The following HSPA14 variants were observed in gnomAD, a reference collection of about 807,000 sequenced individuals.
The protein encoded by HSPA14 is heat shock protein family A (Hsp70) member 14.
A neutral mutation model predicts 65.5 loss-of-function variants in HSPA14; 37 were observed. The observed-to-expected ratio is 0.56, with a 90% CI of 0.43 to 0.74. The LOEUF (loss-of-function observed/expected upper bound fraction) is 0.74. HSPA14 is among the 30% of genes least tolerant of loss of function. The probability of loss-of-function intolerance (pLI) is 0.00; values close to 1 mark genes in which losing one functional copy is unlikely to be tolerated. For synonymous variants in HSPA14, 203 were observed against 214.2 expected, an observed-to-expected ratio of 0.95 and a Z score of 0.46; for missense variants, 564 against 607.6, an observed-to-expected ratio of 0.93 and a Z score of 0.75.
intron 9 of HSPA14, among the ~76,000 whole-genome samples, chr10:14,855,093 C>T (rs56154977): frequency 0.11 from 16,194 of 151,992 alleles, 1,371 homozygotes; most frequent in African/African-American, 0.23. Flanking sequence ...TCCAAGTCCT[C>T]GGTATATATT....
chr10:14,866,719 T>G (rs757614940), intron 10 of HSPA14, among the ~76,000 whole-genome samples: 1 of 149,922 alleles, frequency 6.7e-6, no homozygotes, highest in Admixed American at 6.7e-5. Flanking sequence ...TTCAAACTTT[T>G]AAAAAAAAAA....
In HSPA14 at chr10:14,867,094, T is replaced by C. The variant is rs1162252194; in HGVS notation, c.1005T>C (p.Cys335=). ...TADDINKVVL[C]GGSSRIPKLQ... ...TTTTTATTCTCTAGGTTGTCCTTTG[T>C]GGAGGGTCTTCTCGAATCCCAAAGC... The change falls in exon 11 of 14, where the codon TGT becomes TGC. Residue 335 remains cysteine, a synonymous_variant. Transcript: ENST00000378372. 6 of 1,612,302 alleles carry C rather than the reference T, an allele frequency of 3.7e-6. No homozygotes were observed. Among genetic ancestry groups the C allele is most frequent in the East Asian group, 2.2e-5 (1 of 44,820 alleles).
chr10:14,865,426 G>A (rs367879009), intron 10 of HSPA14, among the ~76,000 whole-genome samples: 8,645 of 151,920 alleles, frequency 0.057, 280 homozygotes, highest in Middle Eastern at 0.11. Context: ...GTATTGCCTA[G>A]GTTTTCTTCT....
At chr10:14,864,903 T>A (rs1158739905) in intron 10 of HSPA14, among the ~76,000 whole-genome samples, 2 of 152,156 alleles carry the variant, frequency 1.3e-5, no homozygotes, top group African/African-American at 4.8e-5. Context: ...CGCCACACTG[T>A]CTTCCACAAT....
intron 10 of HSPA14, among the ~76,000 whole-genome samples, chr10:14,865,079 T>A (rs1832793487): frequency 6.6e-6 from 1 of 152,232 alleles, no homozygotes. Flanking sequence ...CCAGTGATGA[T>A]GAGCATTTTT....
chr10:14,859,090 T>C (rs1832731232), intron 10 of HSPA14, among the ~76,000 whole-genome samples: 1 of 152,198 alleles, frequency 6.6e-6, no homozygotes, highest in Admixed American at 6.5e-5. Context: ...CTCTTGAATG[T>C]GCAGACTTTT....
At chr10:14,862,804 C>T (rs1216566448) in intron 10 of HSPA14, among the ~76,000 whole-genome samples, 1 of 152,142 alleles carries the variant, frequency 6.6e-6, no homozygotes, top group Admixed American at 6.5e-5. Flanking sequence ...CTCAGCCTCC[C>T]AAGTAGCTGG....
intron 8 of HSPA14, 50 bp downstream of exon 8, chr10:14,852,581 C>T: frequency 3.6e-6 from 5 of 1,389,238 alleles, no homozygotes; most frequent in Non-Finnish European, 4.8e-6. Context: ...TTTTCCTTCA[C>T]ATATTTTAAT....
intron 3 of HSPA14, among the ~76,000 whole-genome samples, chr10:14,847,947 C>T (rs1174042275): frequency 2.6e-5 from 4 of 152,124 alleles, no homozygotes; most frequent in Non-Finnish European, 4.4e-5. Context: ...CTGACTCTGC[C>T]CCTTGTTAGC....
intron 3 of HSPA14, chr10:14,843,937 C>A: frequency 1.3e-6 from 2 of 1,530,356 alleles, no homozygotes; most frequent in South Asian, 2.4e-5. Context: ...TGGTAGAAGT[C>A]TAGTTCCCAA....
At chr10:14,850,055 C>T (rs1379702805) in intron 6 of HSPA14, among the ~76,000 whole-genome samples, 2 of 152,082 alleles carry the variant, frequency 1.3e-5, no homozygotes, top group East Asian at 1.9e-4. Flanking sequence ...GGGTGGACCA[C>T]CTGAGGTCAG....
At chr10:14,862,104 G>A (rs371816296) in intron 10 of HSPA14, among the ~76,000 whole-genome samples, 4 of 148,274 alleles carry the variant, frequency 2.7e-5, no homozygotes, top group East Asian at 4.1e-4. Context: ...TCGGCTCACT[G>A]TAAGCTCTGC....
intron 10 of HSPA14, among the ~76,000 whole-genome samples, chr10:14,857,198 T>C (rs535719671): frequency 1.3e-5 from 2 of 152,332 alleles, no homozygotes; most frequent in East Asian, 1.9e-4. Context: ...TGTAGACACA[T>C]AGGTTGGGTT....
At chr10:14,844,058 T>C (rs1345312336) in intron 3 of HSPA14, 1 of 1,434,962 alleles carries the variant, frequency 7.0e-7, no homozygotes, top group African/African-American at 1.4e-5. Flanking sequence ...TTCCCAAGAT[T>C]CTCCACCAAA....
intron 3 of HSPA14, chr10:14,844,105 A>G (rs1040366910): frequency 5.0e-6 from 7 of 1,388,658 alleles, no homozygotes; most frequent in Non-Finnish European, 6.5e-6. Flanking sequence ...GTGACCTAAT[A>G]GAAAACGATG....
At chr10:14,865,479 C>G (rs1322113164) in intron 10 of HSPA14, among the ~76,000 whole-genome samples, 1 of 151,978 alleles carries the variant, frequency 6.6e-6, no homozygotes, top group Non-Finnish European at 1.5e-5. Context: ...GTCTTTAATC[C>G]ATCTTGAATT....
chr10:14,838,646 A>T (rs1163521107), intron 1 of HSPA14, 187 bp downstream of exon 1: 8 of 571,592 alleles, frequency 1.4e-5, no homozygotes, highest in Non-Finnish European at 2.4e-5. Context: ...TCCTCCGGAA[A>T]GTCGTCTACT....
chr10:14,842,366 G>A lies in HSPA14; in HGVS notation c.221+2209G>A. The A allele has an allele frequency of 1.3e-6, 2 of 1,536,154 alleles. No individual in the cohort carries two copies. Among genetic ancestry groups the A allele is most frequent in the East Asian group, 2.4e-5 (1 of 40,918 alleles). On this transcript the variant is annotated intron_variant, in intron 3 of 13. Coordinates refer to ENST00000378372, the MANE Select transcript of HSPA14 (RefSeq NM_016299.4). This position sits in a 1 kb window ranked among gnomAD's most constrained non-coding sequence, Gnocchi z 5.2. ...TCTTCTCTCCATACTAGGCGAGGCAGAGTATATTCAGCGCCTCCAGACTGT... is the reference window on the plus strand; with the variant it reads ...TCTTCTCTCCATACTAGGCGAGGCAAAGTATATTCAGCGCCTCCAGACTGT...
chr10:14,867,983 T>C (rs1243388521), intron 12 of HSPA14, 74 bp downstream of exon 12: 1 of 1,197,114 alleles, frequency 8.4e-7, no homozygotes, highest in Non-Finnish European at 1.2e-6. Context: ...AATATCTTAA[T>C]ACAAAATGTG....
Sources: gnomAD v4.1 joint callset for allele counts (sites outside exome capture counted in the v4.1 genomes callset) on GRCh38, gnomAD v4.1.1 for gene constraint, Gnocchi (gnomAD v3.1) non-coding constraint, MANE v1.5 for transcripts, NCBI Gene and HGNC (gene_info 2026-07-23, HGNC 2026-07-21) for gene names.